PDS5A: variants seen among roughly 807,000 people sequenced by gnomAD.
PDS5A encodes sister chromatid cohesion protein PDS5 homolog A.
In PDS5A, 42 loss-of-function variants were observed where a neutral mutation model predicts 167.1. That is an observed-to-expected ratio of 0.25 (90% confidence interval 0.20 to 0.33). PDS5A has a LOEUF of 0.33. Ranked by LOEUF, PDS5A falls within the 10% of genes least tolerant of loss-of-function variation. The probability of loss-of-function intolerance (pLI) is 1.00; values close to 1 mark genes in which losing one functional copy is unlikely to be tolerated. For synonymous variants in PDS5A, 553 were observed against 554.6 expected (o/e 1.00, Z 0.04); for missense variants, 1,033 against 1,605.9 (o/e 0.64, Z 6.10).
intron 2 of PDS5A, among the ~76,000 whole-genome samples, chr4:39,956,183 G>C (rs1396961247): frequency 6.6e-6 from 1 of 151,682 alleles, no homozygotes; most frequent in African/African-American, 2.4e-5. Context: ...TGAGATAGCA[G>C]CAGTGGATTA....
At chr4:39,942,416 T>C (rs1218837420) in intron 2 of PDS5A, among the ~76,000 whole-genome samples, 1 of 152,184 alleles carries the variant, frequency 6.6e-6, no homozygotes, top group Non-Finnish European at 1.5e-5. Context: ...ACATACGCTC[T>C]TACTAAATTC....
chr4:39,947,549 G>A (rs1182860615), intron 2 of PDS5A, among the ~76,000 whole-genome samples: 1 of 152,134 alleles, frequency 6.6e-6, no homozygotes, highest in Non-Finnish European at 1.5e-5. Flanking sequence ...GGGCCACACT[G>A]GAAGAAGAAT....
At chr4:39,863,672 A>T (rs546881685) in intron 23 of PDS5A, among the ~76,000 whole-genome samples, 16 of 152,276 alleles carry the variant, frequency 1.1e-4, no homozygotes, top group African/African-American at 3.9e-4. Flanking sequence ...CTGATTACAA[A>T]TTTACCTGCC....
intron 9 of PDS5A, among the ~76,000 whole-genome samples, chr4:39,911,115 C>G (rs1723846257): frequency 6.6e-6 from 1 of 152,234 alleles, no homozygotes; most frequent in Non-Finnish European, 1.5e-5. Flanking sequence ...ACCTGGGTAA[C>G]AGACCCTGTC....
Position 39,863,333 on chromosome 4 carries a change from T to C in PDS5A, c.2766+3A>G, listed in dbSNP as rs1192932324. ...AATTGACAAAAATAAGATTGTTACT[T>C]ACATTAATAACAAGTGCACAGAGCT... On this transcript the variant is annotated splice_donor_region_variant and intron_variant, in intron 24 of 32. Coordinates refer to ENST00000303538, the MANE Select transcript of PDS5A (RefSeq NM_001100399.2). 6.3e-7 allele frequency: 1 copy of C among 1,577,314 alleles called. No individual in the cohort carries two copies. The highest frequency in any genetic ancestry group is 8.6e-7 in the Non-Finnish European group (1 of 1,164,508).
At chr4:39,869,126 T>C (rs1180939645) in intron 22 of PDS5A, among the ~76,000 whole-genome samples, 1 of 152,206 alleles carries the variant, frequency 6.6e-6, no homozygotes, top group Non-Finnish European at 1.5e-5. Context: ...CAATGGATTT[T>C]AAAATAAAGT....
chr4:39,840,456 C>T (rs1305126653), intron 31 of PDS5A, among the ~76,000 whole-genome samples: 1 of 152,200 alleles, frequency 6.6e-6, no homozygotes, highest in Non-Finnish European at 1.5e-5. Flanking sequence ...AGCACAGTGG[C>T]GTGATCTTGG....
At chr4:39,952,762 CTT>C (rs1728536669) in intron 2 of PDS5A, among the ~76,000 whole-genome samples, 1 of 130,182 alleles carries the variant, frequency 7.7e-6, no homozygotes, top group African/African-American at 2.8e-5. Context: ...GAGTTTTGCT[CTT>C]GTCACCCATG....
At chr4:39,923,742 G>T (rs146726672) in intron 5 of PDS5A, among the ~76,000 whole-genome samples, 1 of 151,364 alleles carries the variant, frequency 6.6e-6, no homozygotes, top group East Asian at 1.9e-4. Context: ...AAATTTTAAG[G>T]AAACAAACAA....
At chr4:39,946,968 T>C (rs1205797684) in intron 2 of PDS5A, among the ~76,000 whole-genome samples, 3 of 151,336 alleles carry the variant, frequency 2.0e-5, no homozygotes, top group East Asian at 1.9e-4. Flanking sequence ...AGGCTGGAAG[T>C]GGTGGCTCAC....
chr4:39,950,988 T>G (rs1390391255), intron 2 of PDS5A, among the ~76,000 whole-genome samples: 1 of 151,940 alleles, frequency 6.6e-6, no homozygotes, highest in African/African-American at 2.4e-5. Context: ...ACTGCAGCCT[T>G]GACCTCCTGG....
chr4:39,838,300 A>G (rs1716622135), intron 31 of PDS5A, 92 bp from the exon 32 acceptor site: 3 of 1,001,064 alleles, frequency 3.0e-6, no homozygotes, highest in Non-Finnish European at 4.3e-6. Context: ...ATTTTAAAGG[A>G]GTCTGGATTT....
At chr4:39,867,909 T>C (rs1431748319) in intron 22 of PDS5A, among the ~76,000 whole-genome samples, 2 of 152,176 alleles carry the variant, frequency 1.3e-5, no homozygotes. Context: ...AAATGGGATT[T>C]TGTGTAATTA....
intron 5 of PDS5A, among the ~76,000 whole-genome samples, chr4:39,924,683 A>C (rs559180573): frequency 1.6e-4 from 24 of 152,380 alleles, no homozygotes; most frequent in Non-Finnish European, 3.4e-4. Flanking sequence ...AATAAATAAC[A>C]TATATTATCA....
intron 11 of PDS5A, among the ~76,000 whole-genome samples, chr4:39,906,943 A>AAC (rs67380358): frequency 6.7e-6 from 1 of 150,186 alleles, no homozygotes; most frequent in African/African-American, 2.5e-5. Flanking sequence ...AAAAAAAAAA[A>AAC]CAAGCAATAA....
At chr4:39,928,232 T>TA in intron 2 of PDS5A, 68 bp from the exon 3 acceptor site, 3 of 1,075,552 alleles carry the variant, frequency 2.8e-6, no homozygotes, top group African/African-American at 1.6e-5. Flanking sequence ...AGGATGTGAT[T>TA]TAAAAAAAAA....
chr4:39,897,814 A>G (rs1560464174), intron 16 of PDS5A, among the ~76,000 whole-genome samples: 2 of 151,846 alleles, frequency 1.3e-5, no homozygotes, highest in East Asian at 3.9e-4. Context: ...GTAGTGAACT[A>G]TGATTGTGCC....
chr4:39,885,248 A>T (rs1185020376), intron 17 of PDS5A, among the ~76,000 whole-genome samples: 2 of 66,388 alleles, frequency 3.0e-5, no homozygotes, highest in Non-Finnish European at 8.3e-5. Context: ...TTCCTTCTTA[A>T]AAAAAAAAAA....
At chr4:39,921,194 T>C (rs1381443282) in intron 6 of PDS5A, among the ~76,000 whole-genome samples, 1 of 152,124 alleles carries the variant, frequency 6.6e-6, no homozygotes, top group East Asian at 1.9e-4. Flanking sequence ...TACAAATCAC[T>C]GCAACAACTA....
Sources: allele counts gnomAD v4.1 joint callset (sites outside exome capture counted in the v4.1 genomes callset), GRCh38; gene constraint gnomAD v4.1.1; transcripts MANE v1.5; gene names NCBI Gene and HGNC (gene_info 2026-07-23, HGNC 2026-07-21).